The following C19orf38 variants were observed in gnomAD, a reference collection of about 807,000 sequenced individuals.
The protein encoded by C19orf38 is chromosome 19 open reading frame 38.
In C19orf38, 14 loss-of-function variants were observed where a neutral mutation model predicts 26.6. The ratio of observed to expected loss-of-function variants is 0.53; its 90% CI spans 0.35 to 0.82. C19orf38 has a LOEUF of 0.82. C19orf38 is among the 40% of genes least tolerant of loss of function. C19orf38 has a pLI of 0.01. For synonymous variants in C19orf38, 132 were observed against 128.5 expected (o/e 1.03, Z -0.18); for missense variants, 261 against 299.5 (o/e 0.87, Z 0.95).
chr19:10,863,692 C>T (rs1232542836), intron 6 of C19orf38, among the ~76,000 whole-genome samples: 1 of 122,852 alleles, frequency 8.1e-6, no homozygotes, highest in Admixed American at 7.8e-5. Context: ...AAGGCCGAGG[C>T]GGGTGTGGGT....
intron 6 of C19orf38, among the ~76,000 whole-genome samples, chr19:10,864,328 C>T (rs1377465073): frequency 1.3e-5 from 2 of 152,044 alleles, no homozygotes; most frequent in Non-Finnish European, 2.9e-5. Flanking sequence ...TGTGAGCCAC[C>T]ATGCTGGCTG....
At chr19:10,853,917 T>G (rs2073598943) in intron 2 of C19orf38, among the ~76,000 whole-genome samples, 1 of 150,594 alleles carries the variant, frequency 6.6e-6, no homozygotes, top group African/African-American at 2.4e-5. Flanking sequence ...TTTTTTTTTT[T>G]TAATTAGGAG....
chr19:10,862,681 TTAGC>T (rs1009570075), intron 5 of C19orf38, among the ~76,000 whole-genome samples: 1 of 151,890 alleles, frequency 6.6e-6, no homozygotes, highest in African/African-American at 2.4e-5. Flanking sequence ...AATATGAAAA[TTAGC>T]TAGGTGTAGT....
intron 2 of C19orf38, among the ~76,000 whole-genome samples, chr19:10,853,629 G>A (rs1246844678): frequency 2.1e-5 from 3 of 140,732 alleles, no homozygotes; most frequent in African/African-American, 8.1e-5. Context: ...TCGGTCTGTC[G>A]CCCAGGCTGG....
chr19:10,866,233 G>A (rs1420794762), intron 6 of C19orf38, among the ~76,000 whole-genome samples: 1 of 145,570 alleles, frequency 6.9e-6, no homozygotes, highest in Non-Finnish European at 1.5e-5. Flanking sequence ...ACGGACTCTC[G>A]CTCTGTCACC....
intron 3 of C19orf38, among the ~76,000 whole-genome samples, chr19:10,857,605 G>A (rs925204793): frequency 6.6e-6 from 1 of 151,200 alleles, no homozygotes; most frequent in Admixed American, 6.6e-5. Context: ...GTGGAGACAG[G>A]GTTTCACCAT....
intron 6 of C19orf38, among the ~76,000 whole-genome samples, chr19:10,868,621 C>G (rs1364651751): frequency 1.3e-5 from 2 of 152,184 alleles, no homozygotes; most frequent in African/African-American, 2.4e-5. Flanking sequence ...TCAGGTGATT[C>G]TCCTGCCTCA....
intron 1 of C19orf38, among the ~76,000 whole-genome samples, chr19:10,849,629 G>T (rs1189253447): frequency 6.6e-6 from 1 of 151,660 alleles, no homozygotes; most frequent in East Asian, 1.9e-4. Context: ...ATAGTCCCAG[G>T]TACTCAGGAG....
chr19:10,858,407 G>C, intron 4 of C19orf38, 64 bp downstream of exon 4: 1 of 1,457,152 alleles, frequency 6.9e-7, no homozygotes, highest in Non-Finnish European at 9.3e-7. Context: ...TCCCTGGCAG[G>C]GTGGGCACTC....
chr19:10,847,092 A>C (rs1402652747), upstream of C19orf38, among the ~76,000 whole-genome samples: 2 of 152,238 alleles, frequency 1.3e-5, no homozygotes, highest in African/African-American at 4.8e-5. Context: ...CCCCCAAGCA[A>C]ACCTGACTGG....
At chr19:10,863,323 G>A in intron 6 of C19orf38, 116 bp downstream of exon 6, 2 of 1,230,136 alleles carry the variant, frequency 1.6e-6, no homozygotes, top group South Asian at 1.3e-5. Context: ...AGCTGCGGGG[G>A]GGCTAGGAAA....
intron 1 of C19orf38, among the ~76,000 whole-genome samples, chr19:10,839,149 C>T (rs1161756569): frequency 6.6e-6 from 1 of 152,160 alleles, no homozygotes; most frequent in Non-Finnish European, 1.5e-5. Flanking sequence ...TCATGATCCG[C>T]CCACCTTGGC....
intron 1 of C19orf38, among the ~76,000 whole-genome samples, chr19:10,842,482 G>A (rs1198694987): frequency 6.6e-6 from 1 of 151,956 alleles, no homozygotes; most frequent in Non-Finnish European, 1.5e-5. Flanking sequence ...GGATGGTCTT[G>A]TTCTCCTGAC....
At chr19:10,857,932 A>AAGAAAGAAAGAT (rs1202894514) in intron 3 of C19orf38, among the ~76,000 whole-genome samples, 7 of 148,094 alleles carry the variant, frequency 4.7e-5, no homozygotes, top group Non-Finnish European at 1.0e-4. Flanking sequence ...GAAAGAAAGA[A>AAGAAAGAAAGAT]AAATCTGAGG....
chr19:10,840,931 G>A (rs1043158546), intron 1 of C19orf38, among the ~76,000 whole-genome samples: 2 of 152,138 alleles, frequency 1.3e-5, no homozygotes, highest in Non-Finnish European at 1.5e-5. Flanking sequence ...CACTGTGACC[G>A]GCCCTGTTTT....
intron 1 of C19orf38, among the ~76,000 whole-genome samples, chr19:10,849,456 G>A (rs2073546989): frequency 6.6e-6 from 1 of 152,146 alleles, no homozygotes; most frequent in African/African-American, 2.4e-5. Context: ...CTCGTGGGAG[G>A]CCAAGGTGGG....
chr19:10,857,902 G>T (rs201816060), intron 3 of C19orf38, among the ~76,000 whole-genome samples: 1 of 69,062 alleles, frequency 1.4e-5, no homozygotes, highest in Admixed American at 1.7e-4. Flanking sequence ...AAAAAAGAAA[G>T]AAAGAAAGAA....
chr19:10,857,358 A>ATTTTT (rs1395725984), intron 3 of C19orf38, among the ~76,000 whole-genome samples: 1 of 82,444 alleles, frequency 1.2e-5, no homozygotes, highest in African/African-American at 9.6e-5. Context: ...ATATATATAT[A>ATTTTT]TATATATATT....
At chr19:10,840,388 A>G (rs887889233) in intron 1 of C19orf38, among the ~76,000 whole-genome samples, 1 of 152,122 alleles carries the variant, frequency 6.6e-6, no homozygotes, top group Non-Finnish European at 1.5e-5. Flanking sequence ...AGTAACTGCA[A>G]TCTCCATCTC....
Sources: allele counts gnomAD v4.1 joint callset (sites outside exome capture counted in the v4.1 genomes callset), GRCh38; gene constraint gnomAD v4.1.1; transcripts MANE v1.5; gene names NCBI Gene and HGNC (gene_info 2026-07-23, HGNC 2026-07-21).